The following ITGA9 variants were observed in gnomAD, a reference collection of about 807,000 sequenced individuals.
ITGA9 encodes integrin subunit alpha 9.
Under a neutral mutation model 127.8 loss-of-function variants are expected in ITGA9, and 56 were observed. That is an observed-to-expected ratio of 0.44 (90% confidence interval 0.35 to 0.55). The LOEUF is 0.55. Among genes scored for constraint, ITGA9 ranks in the 20% least tolerant of loss-of-function variants. The pLI, the probability that ITGA9 is intolerant of heterozygous loss-of-function variation, is 0.00. For synonymous variants in ITGA9, 508 were observed against 514.5 expected, an observed-to-expected ratio of 0.99 and a Z score of 0.17; for missense variants, 1,196 against 1,347.1, an observed-to-expected ratio of 0.89 and a Z score of 1.76.
At chr3:37,617,521 C>T (rs367914883) in intron 15 of ITGA9, among the ~76,000 whole-genome samples, 4 of 151,936 alleles carry the variant, frequency 2.6e-5, no homozygotes, top group South Asian at 2.1e-4. Context: ...CCTTGCTAGA[C>T]TGGGGAAGTT....
chr3:37,673,777 A>G (rs755984196), intron 17 of ITGA9, among the ~76,000 whole-genome samples: 18 of 152,170 alleles, frequency 1.2e-4, no homozygotes, highest in Non-Finnish European at 2.5e-4. Flanking sequence ...TGGTACTGCC[A>G]CTAGTTACTA....
intron 5 of ITGA9, among the ~76,000 whole-genome samples, chr3:37,497,227 G>T (rs1453487322): frequency 6.6e-6 from 1 of 151,748 alleles, no homozygotes; most frequent in Non-Finnish European, 1.5e-5. Flanking sequence ...TGATCTATGT[G>T]TTGCAAATTT....
At chr3:37,641,713 A>G (rs1280360871) in intron 16 of ITGA9, among the ~76,000 whole-genome samples, 2 of 152,134 alleles carry the variant, frequency 1.3e-5, no homozygotes, top group East Asian at 3.9e-4. Context: ...GAGAGCCTGT[A>G]CAGTGGGGCT....
chr3:37,553,281 G>T (rs1005779779), intron 15 of ITGA9, among the ~76,000 whole-genome samples: 6 of 152,186 alleles, frequency 3.9e-5, no homozygotes, highest in African/African-American at 1.4e-4. Context: ...AGGAAATTAA[G>T]TGATACATTA....
chr3:37,479,126 C>T (rs1337244521), intron 3 of ITGA9, among the ~76,000 whole-genome samples: 1 of 152,102 alleles, frequency 6.6e-6, no homozygotes, highest in African/African-American at 2.4e-5. Flanking sequence ...GATTTACCCA[C>T]AAATTAGATA....
intron 18 of ITGA9, among the ~76,000 whole-genome samples, chr3:37,724,503 C>CT (rs990281665): frequency 3.3e-5 from 5 of 150,998 alleles, no homozygotes; most frequent in East Asian, 1.9e-4. Flanking sequence ...ATGCTGTCTC[C>CT]TTTTTTTTTG....
Position 37,692,003 on chromosome 3 carries a change from T to C in ITGA9, c.2067+7988T>C, listed in dbSNP as rs76908306. Reference sequence around the variant, plus strand: ...GTGTGAAATAGAGGGAAAGTGTAGCTTTGGTGACCAGCAGATGCAGAGTTG... The same window carrying C: ...GTGTGAAATAGAGGGAAAGTGTAGCCTTGGTGACCAGCAGATGCAGAGTTG... On this transcript the variant is annotated intron_variant, in intron 18 of 27. Transcript: ENST00000264741. 6.4e-4 allele frequency among the ~76,000 whole-genome samples: 98 copies of C among 152,334 alleles called. 1 individual carries two copies. The highest frequency in any genetic ancestry group is 2.2e-4 in the Non-Finnish European group (15 of 68,040).
At chr3:37,782,197 A>G (rs1249978115) in intron 25 of ITGA9, among the ~76,000 whole-genome samples, 5 of 152,232 alleles carry the variant, frequency 3.3e-5, no homozygotes, top group African/African-American at 1.2e-4. Context: ...ATGGTGCTGC[A>G]GACAGTTTTA....
At chr3:37,570,536 A>G (rs1005114857) in intron 15 of ITGA9, among the ~76,000 whole-genome samples, 1 of 152,190 alleles carries the variant, frequency 6.6e-6, no homozygotes, top group African/African-American at 2.4e-5. Context: ...ACTTGAGAGT[A>G]TTTCATTATT....
At chr3:37,495,853 T>G (rs1383308523) in intron 5 of ITGA9, among the ~76,000 whole-genome samples, 2 of 152,238 alleles carry the variant, frequency 1.3e-5, no homozygotes, top group East Asian at 3.8e-4. Flanking sequence ...GTGTGCTTTC[T>G]GCATACTAGC....
intron 23 of ITGA9, among the ~76,000 whole-genome samples, chr3:37,761,264 C>T (rs1006189809): frequency 6.6e-6 from 1 of 152,166 alleles, no homozygotes; most frequent in Admixed American, 6.5e-5. Context: ...CTTTCAAATA[C>T]TGCTGGTATG....
rs1414561403 is a variant in ITGA9 at position 37,733,485 on chromosome 3, C to T, written c.2154+687C>T. On this transcript the variant is annotated intron_variant, in intron 19 of 27. Coordinates refer to ENST00000264741, the MANE Select transcript of ITGA9 (RefSeq NM_002207.3). ...CCTTTGGAAATGGAAGCTATTTTCC[C>T]TGCCATGAACAGAGTGAGACTCCGT... 2.1e-5 allele frequency among the ~76,000 whole-genome samples: 3 copies of T among 140,448 alleles called. No individual in the cohort carries two copies. The South Asian group carries it at 6.8e-4, about 32-fold the overall frequency. The allele number at this position is 140,448 out of a possible 152,430, so 92.1% of individuals were successfully genotyped here.
At chr3:37,498,122 G>A (rs1698751118) in intron 5 of ITGA9, among the ~76,000 whole-genome samples, 1 of 152,204 alleles carries the variant, frequency 6.6e-6, no homozygotes, top group African/African-American at 2.4e-5. Context: ...AAAAGGGGTT[G>A]CCTGAGAAAG....
At chr3:37,607,814 A>G (rs1263436195) in intron 15 of ITGA9, among the ~76,000 whole-genome samples, 1 of 152,176 alleles carries the variant, frequency 6.6e-6, no homozygotes, top group East Asian at 1.9e-4. Context: ...AATAGCCTAG[A>G]CCTCAGAGTG....
intron 18 of ITGA9, among the ~76,000 whole-genome samples, chr3:37,723,273 T>C (rs1249618495): frequency 6.6e-6 from 1 of 152,136 alleles, no homozygotes; most frequent in African/African-American, 2.4e-5. Flanking sequence ...ACTTTCTTAA[T>C]GGTGTCCTTT....
At position 37,665,458 on chromosome 3, in the gene ITGA9, C is replaced by CTT. The variant is rs201575002; in HGVS notation, c.1916+11676_1916+11677dup. Among the ~76,000 whole-genome samples, 291 of 151,202 alleles carry CTT rather than the reference C, an allele frequency of 1.9e-3. 1 individual carries two copies. The highest frequency in any genetic ancestry group is 6.8e-3 in the African/African-American group (282 of 41,238). On this transcript the variant is annotated intron_variant, in intron 17 of 27. Transcript: ENST00000264741. ...TTGCCGTTTCTCTGATGTGGGCCTT[C>CTT]TTTTTTTTTCCGAAAAAGTCTCACT...
Position 37,665,062 on chromosome 3 carries a change from G to A in ITGA9, c.1916+11272G>A, listed in dbSNP as rs184431660. Among the ~76,000 whole-genome samples the A allele has an allele frequency of 3.3e-3, 473 of 144,862 alleles. 4 individuals carry two copies. The highest frequency in any genetic ancestry group is 0.011 in the Middle Eastern group (3 of 264). On this transcript the variant is annotated intron_variant, in intron 17 of 27. Coordinates refer to ENST00000264741, the MANE Select transcript of ITGA9 (RefSeq NM_002207.3). ...ATCTCAGCTCGCTGCAACCTTCTCC[G>A]CCTGGGTTCAAGCGATTCTCCTGCC...
At chr3:37,576,947 A>G (rs4462899) in intron 15 of ITGA9, among the ~76,000 whole-genome samples, 2,413 of 152,354 alleles carry the variant, frequency 0.016, 37 homozygotes, top group Non-Finnish European at 0.02. Flanking sequence ...TGAAACAGAA[A>G]TGGTAGAATC....
chr3:37,653,782 G>A lies in ITGA9; in HGVS notation c.1908G>A (p.Leu636=). The change falls in exon 17 of 28, where the codon CTG becomes CTA. Residue 636 remains leucine, a synonymous_variant. Coordinates refer to ENST00000264741, the MANE Select transcript of ITGA9 (RefSeq NM_002207.3). ...ACCTGCAGCTTCAGGGTAAACTGCT[G>A]CTCTCCAGGTATGTCGGTGTTTCCT... is the stretch of plus-strand genomic sequence containing the variant. ...AADLQLQGKL[L]LSSMDEKTLY... The A allele has an allele frequency of 6.2e-7, 1 of 1,612,706 alleles. No individual in the cohort carries two copies. The highest frequency in any genetic ancestry group is 8.5e-7 in the Non-Finnish European group (1 of 1,178,724).
Sources: allele counts gnomAD v4.1 joint callset (sites outside exome capture counted in the v4.1 genomes callset), GRCh38; gene constraint gnomAD v4.1.1; transcripts MANE v1.5; gene names NCBI Gene and HGNC (gene_info 2026-07-23, HGNC 2026-07-21).